LOXHD1: variants seen among roughly 807,000 people sequenced by gnomAD.
LOXHD1 encodes the protein lipoxygenase homology domain-containing protein 1.
LOXHD1 carries 205 observed loss-of-function variants against 248.2 expected under a neutral mutation model. The ratio of observed to expected loss-of-function variants is 0.83; its 90% CI spans 0.74 to 0.93. The LOEUF is 0.93. Ranked by LOEUF, LOXHD1 falls within the 40% of genes least tolerant of loss-of-function variation. The pLI is 0.00. For missense variants in LOXHD1, 2,930 were observed against 2,971.6 expected (o/e 0.99, Z 0.33); for synonymous variants, 1,113 against 1,162.8 (o/e 0.96, Z 0.87).
At chr18:46,638,750 G>A (rs1403432485) in intron 4 of LOXHD1, among the ~76,000 whole-genome samples, 24 of 152,216 alleles carry the variant, frequency 1.6e-4, no homozygotes. Flanking sequence ...GTAGAAAATT[G>A]GAGATACAGA....
intron 33 of LOXHD1, chr18:46,518,924 T>C: frequency 1.0e-6 from 1 of 985,560 alleles, no homozygotes; most frequent in Non-Finnish European, 1.2e-6. Flanking sequence ...GACAATCCCC[T>C]AGTTCCATGA....
At chr18:46,478,340 C>T (rs1294206783) in intron 40 of LOXHD1, among the ~76,000 whole-genome samples, 5 of 152,068 alleles carry the variant, frequency 3.3e-5, no homozygotes, top group Admixed American at 2.0e-4. Flanking sequence ...TGAGCCACTG[C>T]GCCTGGCCGA....
rs180842276 is a variant in LOXHD1, at chr18:46,518,826, C to T, written c.5272-570G>A. On this transcript the variant is annotated intron_variant, in intron 33 of 40. Transcript: ENST00000642948. ...TGTCAGTTCCCCTTCATGCCACAGCCTGCACATGCCCTGCAGCTGCGAATG... is the reference window on the plus strand; with the variant it reads ...TGTCAGTTCCCCTTCATGCCACAGCTTGCACATGCCCTGCAGCTGCGAATG... The T allele has an allele frequency of 4.6e-3, 4,469 of 963,630 alleles. 15 individuals are homozygous for T. Among genetic ancestry groups the T allele is most frequent in the South Asian group, 7.6e-3 (158 of 20,858 alleles). The allele number at this position is 963,630 out of a possible 1,614,324, so 59.7% of individuals were successfully genotyped here. A position where few individuals can be genotyped will look rare whatever the true frequency, so the allele number is the denominator to read the frequency against.
At chr18:46,573,343 A>C (rs148860519) in intron 14 of LOXHD1, among the ~76,000 whole-genome samples, 2 of 152,244 alleles carry the variant, frequency 1.3e-5, no homozygotes, top group African/African-American at 4.8e-5. Context: ...GGGCACGGAG[A>C]CTCAGCCTGA....
intron 4 of LOXHD1, among the ~76,000 whole-genome samples, chr18:46,631,767 C>A (rs1219440171): frequency 6.6e-6 from 1 of 152,210 alleles, no homozygotes; most frequent in Non-Finnish European, 1.5e-5. Context: ...ACCTGCCCCA[C>A]TGGGTCCTTG....
At chr18:46,529,102 C>T (rs1014180334) in intron 29 of LOXHD1, 75 bp downstream of exon 29, 2 of 1,527,530 alleles carry the variant, frequency 1.3e-6, no homozygotes, top group Admixed American at 4.0e-5. Context: ...TCCCCAGGAA[C>T]CAAGAAGAGC....
intron 21 of LOXHD1, among the ~76,000 whole-genome samples, chr18:46,547,384 C>A (rs1598972352): frequency 6.6e-6 from 1 of 152,172 alleles, no homozygotes; most frequent in African/African-American, 2.4e-5. Context: ...CCTTTCCAAC[C>A]CTTTCCAGAA....
intron 1 of LOXHD1, among the ~76,000 whole-genome samples, chr18:46,652,598 T>A (rs1432629828): frequency 1.3e-5 from 2 of 152,234 alleles, no homozygotes; most frequent in Non-Finnish European, 2.9e-5. Flanking sequence ...GTCACTCTCA[T>A]ACATGTAAAT....
chr18:46,497,710 G>A (rs1015624112), intron 37 of LOXHD1, among the ~76,000 whole-genome samples: 4 of 152,284 alleles, frequency 2.6e-5, no homozygotes, highest in African/African-American at 7.2e-5. Context: ...AGGCATTAGG[G>A]AAAGAACATG....
chr18:46,627,540 CA>C (rs1393494632), intron 4 of LOXHD1, among the ~76,000 whole-genome samples: 1 of 152,090 alleles, frequency 6.6e-6, no homozygotes, highest in East Asian at 1.9e-4. Context: ...CTATTTTAAA[CA>C]CCTATTTAAA....
At chr18:46,491,733 T>A (rs2033492611) in intron 37 of LOXHD1, among the ~76,000 whole-genome samples, 1 of 152,186 alleles carries the variant, frequency 6.6e-6, no homozygotes, top group South Asian at 2.1e-4. Context: ...CCAGCCAGAA[T>A]GGTGACAGAG....
intron 15 of LOXHD1, among the ~76,000 whole-genome samples, chr18:46,569,924 C>T (rs558153160): frequency 1.3e-5 from 2 of 152,328 alleles, no homozygotes; most frequent in African/African-American, 4.8e-5. Context: ...AAATCACAAG[C>T]AAGAACATCA....
At chr18:46,489,184 T>G in intron 37 of LOXHD1, 42 bp from the exon 38 acceptor site, 1 of 1,545,442 alleles carries the variant, frequency 6.5e-7, no homozygotes, top group Non-Finnish European at 8.8e-7. Flanking sequence ...TGGATGTGCC[T>G]TCCCTCCCCT....
chr18:46,522,856 T>C (rs572379591), intron 31 of LOXHD1, among the ~76,000 whole-genome samples: 9 of 152,212 alleles, frequency 5.9e-5, no homozygotes, highest in Admixed American at 1.3e-4. Flanking sequence ...CATAGAGTTG[T>C]AGTTTCCCAC....
chr18:46,529,343 G>A lies in LOXHD1; in HGVS notation c.4376-12C>T, dbSNP rs1306394064. Reference sequence around the variant, plus strand: ...CGAGTACAGCACAACTGGGCAGGTGGTGGGACAGACAGACAGACAAAGGGA... The same window carrying A: ...CGAGTACAGCACAACTGGGCAGGTGATGGGACAGACAGACAGACAAAGGGA... On this transcript the variant is annotated splice_polypyrimidine_tract_variant and intron_variant, in intron 28 of 40. Transcript: ENST00000642948. 6.5e-7 allele frequency: 1 copy of A among 1,528,936 alleles called. No individual in the cohort carries two copies. Among genetic ancestry groups the A allele is most frequent in the Non-Finnish European group, 8.8e-7 (1 of 1,131,298 alleles). The allele number at this position is 1,528,936 out of a possible 1,614,324, so 94.7% of individuals were successfully genotyped here. A position where few individuals can be genotyped will look rare whatever the true frequency, so the allele number is the denominator to read the frequency against.
intron 31 of LOXHD1, among the ~76,000 whole-genome samples, chr18:46,522,943 CTT>C (rs748254441): frequency 6.9e-6 from 1 of 145,266 alleles, no homozygotes. Context: ...CTGGGGAAAT[CTT>C]TTTTTTTTTT....
intron 5 of LOXHD1, 31 bp from the exon 6 acceptor site, chr18:46,610,955 A>G (rs540355262): frequency 6.5e-7 from 1 of 1,548,360 alleles, no homozygotes; most frequent in Admixed American, 2.0e-5. Context: ...AAGAAATTAC[A>G]AAAAGACCAG....
intron 17 of LOXHD1, among the ~76,000 whole-genome samples, chr18:46,565,471 C>T (rs771641739): frequency 8.5e-5 from 13 of 152,132 alleles, no homozygotes; most frequent in African/African-American, 1.4e-4. Context: ...AGCCTGTGAG[C>T]GCAAGGGTTT....
chr18:46,590,816 G>T (rs1174861607), intron 12 of LOXHD1, among the ~76,000 whole-genome samples: 1 of 152,052 alleles, frequency 6.6e-6, no homozygotes, highest in African/African-American at 2.4e-5. Context: ...AACGTCCTCA[G>T]CTCCTTATCT....
Sources: allele counts gnomAD v4.1 joint callset (sites outside exome capture counted in the v4.1 genomes callset), GRCh38; gene constraint gnomAD v4.1.1; transcripts MANE v1.5; gene names NCBI Gene and HGNC (gene_info 2026-07-23, HGNC 2026-07-21).